The following GSTM2 variants were observed in gnomAD, a reference collection of about 807,000 sequenced individuals.
GSTM2 encodes the protein glutathione S-transferase mu 2.
In GSTM2, 33 loss-of-function variants were observed where a neutral mutation model predicts 33.3. The ratio of observed to expected loss-of-function variants is 0.99; its 90% CI spans 0.75 to 1.33. The LOEUF is 1.33. GSTM2 is among the 40% of genes most tolerant of loss of function. The probability of loss-of-function intolerance (pLI) is 0.00; values close to 1 mark genes in which losing one functional copy is unlikely to be tolerated. For synonymous variants in GSTM2, 93 were observed against 95.6 expected (o/e 0.97, Z 0.16); for missense variants, 213 against 265.8 (o/e 0.80, Z 1.38).
chr1:109,670,501 A>G (rs933820366), intron 5 of GSTM2, among the ~76,000 whole-genome samples: 2 of 152,076 alleles, frequency 1.3e-5, no homozygotes, highest in African/African-American at 4.8e-5. Context: ...TGTCAAATAA[A>G]ACCTCTAAAT....
chr1:109,672,104 A>AC (rs1418927570), intron 7 of GSTM2, among the ~76,000 whole-genome samples: 3 of 146,278 alleles, frequency 2.1e-5, no homozygotes, highest in Admixed American at 7.0e-5. Context: ...ACATGGTGAG[A>AC]CCCCTGTCTC....
In GSTM2 at chr1:109,673,062, G is replaced by A. The variant is rs148093404; in HGVS notation, c.567+1479G>A. The A allele has an allele frequency of 4.0e-3, 3,649 of 903,014 alleles. 64 individuals are homozygous for A. In the African/African-American group the frequency reaches 0.045, roughly 11 times the overall value. 55.9% of individuals were successfully genotyped at this position (903,014 alleles called of 1,614,324 possible). On this transcript the variant is annotated intron_variant, in intron 7 of 7. Coordinates refer to ENST00000241337, the MANE Select transcript of GSTM2 (RefSeq NM_000848.4). ...TTTTTGTATTTTTAGTAGAGATGGG[G>A]TTTTGCTATGTTGGCCAGGCTGGTC...
chr1:109,680,423 T>G (rs1343842482), intron 7 of GSTM2, among the ~76,000 whole-genome samples: 1 of 150,656 alleles, frequency 6.6e-6, no homozygotes, highest in African/African-American at 2.4e-5. Context: ...TGCCTCACAG[T>G]AAACTCCAAG....
intron 2 of GSTM2, 177 bp from the exon 3 acceptor site, chr1:109,668,748 G>A (rs1647421517): frequency 4.7e-6 from 4 of 844,886 alleles, no homozygotes; most frequent in Non-Finnish European, 3.8e-6. Flanking sequence ...TTAGCTGTGT[G>A]GGGTCCAGAG....
intron 5 of GSTM2, 104 bp from the exon 6 acceptor site, chr1:109,671,183 T>C: frequency 6.5e-6 from 5 of 772,692 alleles, no homozygotes; most frequent in South Asian, 2.9e-5. Flanking sequence ...GTGGGGAAGA[T>C]GACTGCTTGC....
At chr1:109,669,418 C>G (rs373935550) in intron 4 of GSTM2, 47 bp downstream of exon 4, 15 of 1,613,530 alleles carry the variant, frequency 9.3e-6, no homozygotes, top group Non-Finnish European at 1.1e-5. Flanking sequence ...GTGGCCTCCT[C>G]CTCGGCTTGG....
chr1:109,669,772 A>G (rs909367050), intron 5 of GSTM2: 5 of 567,032 alleles, frequency 8.8e-6, no homozygotes, highest in East Asian at 8.6e-5. Flanking sequence ...AGATGTTCAG[A>G]TGTGTCCGCA....
chr1:109,678,277 T>C (rs964809485), downstream of GSTM2, among the ~76,000 whole-genome samples: 6 of 152,142 alleles, frequency 3.9e-5, no homozygotes, highest in African/African-American at 1.4e-4. Context: ...CCTGAGTAGC[T>C]GGGACTACAG....
At chr1:109,677,175 C>T (rs189777139), downstream of GSTM2, among the ~76,000 whole-genome samples, 18 of 152,170 alleles carry the variant, frequency 1.2e-4, no homozygotes, top group East Asian at 3.9e-4. Context: ...TTGAAAGGAC[C>T]GACAATTGTT....
At chr1:109,679,618 C>T (rs773201782), downstream of GSTM2, among the ~76,000 whole-genome samples, 5 of 152,250 alleles carry the variant, frequency 3.3e-5, no homozygotes, top group Non-Finnish European at 7.3e-5. Context: ...TACCCATTCT[C>T]TACTGGTGGC....
intron 7 of GSTM2, chr1:109,673,179 C>G (rs760133888): frequency 1.2e-5 from 19 of 1,610,372 alleles, no homozygotes; most frequent in Non-Finnish European, 1.5e-5. Context: ...CTCTTCCTCT[C>G]TTTTTTTCCC....
intron 7 of GSTM2, among the ~76,000 whole-genome samples, chr1:109,672,736 T>C (rs1647592396): frequency 6.6e-6 from 1 of 152,220 alleles, no homozygotes; most frequent in Non-Finnish European, 1.5e-5. Context: ...CTTTGTATGA[T>C]TGAACCCCCA....
intron 5 of GSTM2, chr1:109,670,233 T>A (rs1647484986): frequency 6.6e-6 from 1 of 152,342 alleles, no homozygotes; most frequent in African/African-American, 2.4e-5. Context: ...GAGTGCTGAT[T>A]GGTGCGTTTA....
intron 3 of GSTM2, 54 bp downstream of exon 3, chr1:109,669,043 G>C: frequency 6.4e-7 from 1 of 1,566,690 alleles, no homozygotes; most frequent in South Asian, 1.1e-5. Flanking sequence ...GTCTCTGACT[G>C]CATCTCCTCT....
chr1:109,673,225 A>G (rs769772598), intron 7 of GSTM2: 2 of 1,612,048 alleles, frequency 1.2e-6, no homozygotes. Flanking sequence ...TGAGATGAGT[A>G]GCACGCTGAT....
rs1176868828 is a variant in GSTM2 at position 109,674,819 on chromosome 1, G to C, written c.640G>C (p.Val214Leu). ...AAGACCTGTGTTCACAAAGATGGCT[G>C]TCTGGGGCAACAAGTAGGGCCTTGA... ...LPRPVFTKMA[V>L]WGNK is the part of the protein sequence containing the mutation. Residue 214 changes from valine (V) to leucine (L), a missense_variant, in exon 8 of 8, where the codon GTC becomes CTC. Val to Leu is a conservative substitution (Grantham distance 32). Coordinates refer to ENST00000241337, the MANE Select transcript of GSTM2 (RefSeq NM_000848.4). The C allele has an allele frequency of 1.2e-6, 2 of 1,614,108 alleles. No homozygotes were observed.
chr1:109,669,278 C>T lies in GSTM2; in HGVS notation c.178-12C>T, dbSNP rs866258791. 2 of 1,614,060 alleles carry T rather than the reference C, an allele frequency of 1.2e-6. No individual in the cohort carries two copies. The highest frequency in any genetic ancestry group is 1.7e-4 in the Middle Eastern group (1 of 6,060). The stretch of plus-strand genomic sequence containing the variant: ...GGCCCAACTGAGCTTCCCCGGTTTC[C>T]CATCTATCCAGCTGCCCTACTTGAT... On this transcript the variant is annotated splice_polypyrimidine_tract_variant and intron_variant, in intron 3 of 7. Transcript: ENST00000241337.
Position 109,671,670 on chromosome 1 carries a change from A to T in GSTM2, c.567+87A>T, listed in dbSNP as rs111410607. The T allele has an allele frequency of 2.7e-5, 24 of 882,190 alleles. No homozygotes were observed. The African/African-American group carries it at 3.3e-4, about 12-fold the overall frequency. The allele number at this position is 882,190 out of a possible 1,614,324, so 54.6% of individuals were successfully genotyped here. A position where few individuals can be genotyped will look rare whatever the true frequency, so the allele number is the denominator to read the frequency against. On this transcript the variant is annotated intron_variant, in intron 7 of 7. Coordinates refer to ENST00000241337, the MANE Select transcript of GSTM2 (RefSeq NM_000848.4). Reference sequence around the variant, plus strand: ...TTCCCAGTCCTGGAGCTACACAAAGAATAACTCACATTTTTGGCCATGTGC... The same window carrying T: ...TTCCCAGTCCTGGAGCTACACAAAGTATAACTCACATTTTTGGCCATGTGC...
In GSTM2 at chr1:109,668,477, A is replaced by G; in HGVS notation, c.89A>G (p.Glu30Gly). The G allele has an allele frequency of 6.2e-7, 1 of 1,614,140 alleles. No homozygotes were observed. The highest frequency in any genetic ancestry group is 8.5e-7 in the Non-Finnish European group (1 of 1,180,004). Residue 30 changes from glutamate to glycine, a missense_variant, in exon 2 of 8, where the codon GAA (glutamate) becomes GGA (glycine). Transcript: ENST00000241337. ...GAATACACAGACTCAAGCTACGAGGAAAAGAAGTACACGATGGGGGACGGT... is the reference window on the plus strand; with the variant it reads ...GAATACACAGACTCAAGCTACGAGGGAAAGAAGTACACGATGGGGGACGGT... ...LLEYTDSSYE[E>G]KKYTMGDAPD... is the part of the protein sequence containing the mutation.
Sources: gnomAD v4.1 joint callset for allele counts (sites outside exome capture counted in the v4.1 genomes callset) on GRCh38, gnomAD v4.1.1 for gene constraint, MANE v1.5 for transcripts, NCBI Gene and HGNC (gene_info 2026-07-23, HGNC 2026-07-21) for gene names.